The following TBC1D22A variants were observed in gnomAD, a reference collection of about 807,000 sequenced individuals.
The protein encoded by TBC1D22A is putative GTPase activator.
In TBC1D22A, 38 loss-of-function variants were observed where a neutral mutation model predicts 60.2. That is an observed-to-expected ratio of 0.63 (90% CI 0.49 to 0.83). The LOEUF is 0.83. Ranked by LOEUF, TBC1D22A falls within the 40% of genes least tolerant of loss-of-function variation. The pLI is 0.00. For missense variants in TBC1D22A, 628 were observed against 701.0 expected (o/e 0.90, Z 1.18); for synonymous variants, 302 against 281.7 (o/e 1.07, Z -0.72).
rs1456832625 is a variant in TBC1D22A, at chr22:46,942,413, C to T, written c.1015+30225C>T. ...TCTTTGGGGAAGTTTCAGTGACTTC[C>T]GTGGGTAATTAGACATGGCTACTCT... is the stretch of plus-strand genomic sequence containing the variant. On this transcript the variant is annotated intron_variant, in intron 8 of 12. Coordinates refer to ENST00000337137, the MANE Select transcript of TBC1D22A (RefSeq NM_014346.5). Among the ~76,000 whole-genome samples, 8 of 152,218 alleles carry T rather than the reference C, an allele frequency of 5.3e-5. No homozygotes were observed. The East Asian group carries it at 7.7e-4, about 15-fold the overall frequency.
At chr22:47,127,493 G>A (rs966642633) in intron 12 of TBC1D22A, among the ~76,000 whole-genome samples, 5 of 150,124 alleles carry the variant, frequency 3.3e-5, no homozygotes, top group Non-Finnish European at 4.4e-5. Flanking sequence ...CCCAAGTGCC[G>A]GGATGACAGG....
intron 5 of TBC1D22A, among the ~76,000 whole-genome samples, chr22:46,888,739 G>C (rs1195807766): frequency 6.6e-6 from 1 of 152,186 alleles, no homozygotes; most frequent in East Asian, 1.9e-4. Flanking sequence ...ACAGAGCCTT[G>C]CTCTGTTGCC....
At chr22:46,910,143 G>A (rs545385962) in intron 7 of TBC1D22A, among the ~76,000 whole-genome samples, 16 of 152,302 alleles carry the variant, frequency 1.1e-4, no homozygotes, top group African/African-American at 3.4e-4. Flanking sequence ...ATATGTGCGC[G>A]AACATATTCC....
chr22:47,034,943 G>C (rs778973483), intron 10 of TBC1D22A, among the ~76,000 whole-genome samples: 1 of 152,120 alleles, frequency 6.6e-6, no homozygotes, highest in African/African-American at 2.4e-5. Context: ...GATGCGTCAG[G>C]CTCCCTGAGT....
At chr22:46,951,724 A>G (rs752707399) in intron 8 of TBC1D22A, among the ~76,000 whole-genome samples, 1 of 152,226 alleles carries the variant, frequency 6.6e-6, no homozygotes, top group Non-Finnish European at 1.5e-5. Context: ...GATCCATGCA[A>G]AATTCATAAA....
At chr22:47,066,449 G>C (rs1320994803) in intron 11 of TBC1D22A, among the ~76,000 whole-genome samples, 1 of 152,192 alleles carries the variant, frequency 6.6e-6, no homozygotes, top group Admixed American at 6.5e-5. Context: ...CTGCCCAAGG[G>C]TGCACAGTAT....
intron 10 of TBC1D22A, among the ~76,000 whole-genome samples, chr22:47,001,310 T>C (rs1485649489): frequency 6.7e-6 from 1 of 150,200 alleles, no homozygotes; most frequent in Non-Finnish European, 1.5e-5. Context: ...TTTTTTTTTT[T>C]TTTTTTTTAA....
intron 10 of TBC1D22A, 105 bp downstream of exon 10, chr22:46,997,814 T>G: frequency 1.0e-6 from 1 of 989,610 alleles, no homozygotes; most frequent in Non-Finnish European, 1.6e-6. Context: ...CATCCTGGCC[T>G]GCTCAGGATC....
intron 4 of TBC1D22A, among the ~76,000 whole-genome samples, chr22:46,802,663 G>A (rs187479389): frequency 2.2e-4 from 33 of 152,322 alleles, no homozygotes; most frequent in Middle Eastern, 3.4e-3. Flanking sequence ...GGAGTAAAGC[G>A]CGGTGCAGAG....
intron 4 of TBC1D22A, among the ~76,000 whole-genome samples, chr22:46,827,958 C>T (rs1173052204): frequency 6.6e-6 from 1 of 152,232 alleles, no homozygotes; most frequent in Non-Finnish European, 1.5e-5. Context: ...CCCACCCTAA[C>T]ACAATCTCAA....
chr22:46,855,354 T>G (rs2087515373), intron 4 of TBC1D22A, among the ~76,000 whole-genome samples: 1 of 152,190 alleles, frequency 6.6e-6, no homozygotes, highest in South Asian at 2.1e-4. Flanking sequence ...GGTTTTGTAT[T>G]GTTACTTTTT....
intron 11 of TBC1D22A, among the ~76,000 whole-genome samples, chr22:47,101,313 C>T (rs1469956980): frequency 6.6e-6 from 1 of 152,202 alleles, no homozygotes; most frequent in Admixed American, 6.5e-5. Flanking sequence ...TGTCCCCCTG[C>T]CCCCCAAACC....
At position 47,037,201 on chromosome 22, in the gene TBC1D22A, G is replaced by T; in HGVS notation, c.1329+3G>T. 1 of 1,613,356 alleles carries T rather than the reference G, an allele frequency of 6.2e-7. No individual in the cohort carries two copies. Among genetic ancestry groups the T allele is most frequent in the Non-Finnish European group, 8.5e-7 (1 of 1,179,838 alleles). On this transcript the variant is annotated splice_donor_region_variant and intron_variant, in intron 11 of 12. Coordinates refer to ENST00000337137, the MANE Select transcript of TBC1D22A (RefSeq NM_014346.5). ...TCCGCCTGTGGGACACCTACCAGGT[G>T]AGCTCTCCTTCGCACCCTCCGCCAT...
At chr22:47,111,356 G>C (rs2065838968) in intron 11 of TBC1D22A, 152 bp from the exon 12 acceptor site, 1 of 631,234 alleles carries the variant, frequency 1.6e-6, no homozygotes, top group African/African-American at 1.8e-5. Flanking sequence ...TGAGGATTTT[G>C]AAATTAAGGC....
chr22:47,066,460 A>G (rs932297343), intron 11 of TBC1D22A, among the ~76,000 whole-genome samples: 2 of 152,196 alleles, frequency 1.3e-5, no homozygotes, highest in Admixed American at 6.5e-5. Context: ...TGCACAGTAT[A>G]TCATGGCTCA....
Position 46,900,816 on chromosome 22 carries a change from A to T in TBC1D22A, c.900+5970A>T, listed in dbSNP as rs138928412. Among the ~76,000 whole-genome samples the T allele has an allele frequency of 1.6e-3, 241 of 152,290 alleles. 2 individuals carry two copies. The highest frequency in any genetic ancestry group is 5.4e-3 in the African/African-American group (225 of 41,560). On this transcript the variant is annotated intron_variant, in intron 7 of 12. Coordinates refer to ENST00000337137, the MANE Select transcript of TBC1D22A (RefSeq NM_014346.5). Reference sequence around the variant, plus strand: ...GTTGACGGACACTGGAGTTCTTTCTAATTTTTGCCCATTACAAAATAAATT... The same window carrying T: ...GTTGACGGACACTGGAGTTCTTTCTTATTTTTGCCCATTACAAAATAAATT...
At chr22:47,057,025 C>T (rs189398042) in intron 11 of TBC1D22A, among the ~76,000 whole-genome samples, 13 of 152,314 alleles carry the variant, frequency 8.5e-5, no homozygotes, top group African/African-American at 3.1e-4. Context: ...GGAGAGAACC[C>T]GTGAGGTCAG....
intron 12 of TBC1D22A, among the ~76,000 whole-genome samples, chr22:47,134,940 A>G (rs1407768105): frequency 6.6e-6 from 1 of 152,180 alleles, no homozygotes; most frequent in Admixed American, 6.5e-5. Flanking sequence ...GGCTGATTCC[A>G]GCCTGGGCTG....
At chr22:46,765,957 ATG>A (rs747869318) in intron 1 of TBC1D22A, among the ~76,000 whole-genome samples, 9,376 of 128,408 alleles carry the variant, frequency 0.073, 318 homozygotes, top group Non-Finnish European at 0.076. Context: ...CAGCTAATTT[ATG>A]TGTGTGTGTG....
Sources: gnomAD v4.1 joint callset for allele counts (sites outside exome capture counted in the v4.1 genomes callset) on GRCh38, gnomAD v4.1.1 for gene constraint, MANE v1.5 for transcripts, NCBI Gene and HGNC (gene_info 2026-07-23, HGNC 2026-07-21) for gene names.